Variants in TXNDC9 observed in about 807,000 individuals in gnomAD.
TXNDC9 encodes thioredoxin domain containing 9.
A neutral mutation model predicts 23.0 loss-of-function variants in TXNDC9; 7 were observed. That is an observed-to-expected ratio of 0.30 (90% CI 0.17 to 0.57). The LOEUF (loss-of-function observed/expected upper bound fraction) is 0.57. TXNDC9 is among the 20% of genes least tolerant of loss of function. The pLI, the probability that TXNDC9 is intolerant of heterozygous loss-of-function variation, is 0.90. For missense variants in TXNDC9, 198 were observed against 252.6 expected, an observed-to-expected ratio of 0.78 and a Z score of 1.47; for synonymous variants, 72 against 90.6, an observed-to-expected ratio of 0.79 and a Z score of 1.17.
At chr2:99,320,416 T>C (rs1218248020) in intron 4 of TXNDC9, among the ~76,000 whole-genome samples, 1 of 152,192 alleles carries the variant, frequency 6.6e-6, no homozygotes, top group Admixed American at 6.6e-5. Context: ...GATGCATCAC[T>C]TCCATAATAT....
intron 3 of TXNDC9, chr2:99,322,598 G>C (rs1177395169): frequency 5.9e-6 from 9 of 1,538,228 alleles, no homozygotes; most frequent in Non-Finnish European, 7.9e-6. Flanking sequence ...ATATTTGGAA[G>C]TCATGAAGAA....
At chr2:99,318,228 T>C (rs1207912569), downstream of TXNDC9, among the ~76,000 whole-genome samples, 1 of 152,018 alleles carries the variant, frequency 6.6e-6, no homozygotes, top group Non-Finnish European at 1.5e-5. Flanking sequence ...TTTTGCTTGT[T>C]GCCATCAGGG....
intron 2 of TXNDC9, among the ~76,000 whole-genome samples, chr2:99,329,216 T>G (rs548534259): frequency 1.5e-4 from 23 of 152,350 alleles, no homozygotes; most frequent in Non-Finnish European, 3.1e-4. Context: ...AGATTAAAGT[T>G]TTAATCTCTT....
At chr2:99,331,164 ATTAGTAC>A (rs1365291991) in intron 2 of TXNDC9, among the ~76,000 whole-genome samples, 1 of 152,232 alleles carries the variant, frequency 6.6e-6, no homozygotes, top group Non-Finnish European at 1.5e-5. Context: ...CACATTAGCA[ATTAGTAC>A]TTAAATGTGA....
At chr2:99,329,959 C>G (rs1275288632) in intron 2 of TXNDC9, among the ~76,000 whole-genome samples, 2 of 139,474 alleles carry the variant, frequency 1.4e-5, no homozygotes, top group Admixed American at 7.2e-5. Flanking sequence ...AGAGCAAGAC[C>G]CTGTCTCAAA....
the TXNDC9 span, among the ~76,000 whole-genome samples, chr2:99,310,765 C>T: frequency 4.6e-5 from 7 of 151,998 alleles, no homozygotes; most frequent in Non-Finnish European, 1.0e-4. Flanking sequence ...ACTCTTGTCT[C>T]TAAAAATAAA....
chr2:99,320,152 C>T (rs925030864), intron 4 of TXNDC9, among the ~76,000 whole-genome samples: 2 of 152,066 alleles, frequency 1.3e-5, no homozygotes, highest in South Asian at 2.1e-4. Flanking sequence ...GGACTACAGG[C>T]GTGTGCCACC....
chr2:99,314,389 TTTG>T (rs1263810795), downstream of TXNDC9, among the ~76,000 whole-genome samples: 2 of 152,198 alleles, frequency 1.3e-5, no homozygotes, highest in African/African-American at 2.4e-5. Flanking sequence ...GTAGACTTTT[TTTG>T]TTGTCATTAT....
the TXNDC9 span, among the ~76,000 whole-genome samples, chr2:99,310,982 T>C: frequency 6.6e-6 from 1 of 152,208 alleles, no homozygotes; most frequent in East Asian, 1.9e-4. Flanking sequence ...TTGATCAGAA[T>C]TTTTCCCTTT....
In TXNDC9 at chr2:99,336,287, G is replaced by A. The variant is rs2094240278; in HGVS notation, c.-81C>T. The A allele has an allele frequency of 3.0e-6, 3 of 985,486 alleles. No homozygotes were observed. Among genetic ancestry groups the A allele is most frequent in the South Asian group, 9.4e-5 (2 of 21,290 alleles). 61.0% of individuals were successfully genotyped at this position (985,486 alleles called of 1,614,324 possible). A position where few individuals can be genotyped will look rare whatever the true frequency, so the allele number is the denominator to read the frequency against. Reference sequence around the variant, plus strand: ...AAGTGAAAGAGCAGCAGTTTCAAAAGACACGTCCACTCCGGCTTTTGCCTT... The same window carrying A: ...AAGTGAAAGAGCAGCAGTTTCAAAAAACACGTCCACTCCGGCTTTTGCCTT... On this transcript the variant is annotated 5_prime_UTR_variant, in exon 1 of 5. Transcript: ENST00000264255.
chr2:99,326,163 G>A (rs1172825418), intron 3 of TXNDC9, among the ~76,000 whole-genome samples: 2 of 152,164 alleles, frequency 1.3e-5, no homozygotes, highest in Non-Finnish European at 2.9e-5. Flanking sequence ...AAGGGCAGAG[G>A]TTTCTCTGAT....
At chr2:99,321,253 T>C (rs1200954521) in intron 4 of TXNDC9, 1 of 152,100 alleles carries the variant, frequency 6.6e-6, no homozygotes, top group Non-Finnish European at 1.5e-5. Flanking sequence ...AAAGGCACCA[T>C]GACTCTGGAA....
At chr2:99,308,456 G>C in the TXNDC9 span, among the ~76,000 whole-genome samples, 2 of 152,102 alleles carry the variant, frequency 1.3e-5, no homozygotes, top group East Asian at 3.8e-4. Flanking sequence ...CATGATCTTA[G>C]TGGCAGAATA....
intron 4 of TXNDC9, among the ~76,000 whole-genome samples, chr2:99,320,363 T>C (rs551586299): frequency 4.6e-5 from 7 of 152,300 alleles, no homozygotes; most frequent in East Asian, 1.9e-4. Flanking sequence ...CAGTGCTCAG[T>C]TGTCACCGGA....
intron 2 of TXNDC9, among the ~76,000 whole-genome samples, chr2:99,330,289 TCAAAAAA>T (rs1301320567): frequency 2.0e-4 from 1 of 5,016 alleles, no homozygotes; most frequent in African/African-American, 5.2e-4. Context: ...GACTCTTATC[TCAAAAAA>T]AAAAAAAAAA....
chr2:99,312,608 TGGCTGTACA>T, the TXNDC9 span, among the ~76,000 whole-genome samples: 1 of 152,238 alleles, frequency 6.6e-6, no homozygotes, highest in East Asian at 1.9e-4. Context: ...GAAAATGTGC[TGGCTGTACA>T]GGTAAATGGG....
At chr2:99,326,745 A>G (rs1271662168) in intron 3 of TXNDC9, among the ~76,000 whole-genome samples, 3 of 152,096 alleles carry the variant, frequency 2.0e-5, no homozygotes, top group Non-Finnish European at 2.9e-5. Flanking sequence ...GGCAGTCCCA[A>G]CTCTGCTCTG....
At chr2:99,331,631 G>A (rs970377282) in intron 2 of TXNDC9, among the ~76,000 whole-genome samples, 1 of 152,006 alleles carries the variant, frequency 6.6e-6, no homozygotes, top group Non-Finnish European at 1.5e-5. Context: ...ATAAAAATTT[G>A]GACTCACTTA....
At chr2:99,309,532 G>T in the TXNDC9 span, among the ~76,000 whole-genome samples, 4 of 151,142 alleles carry the variant, frequency 2.6e-5, no homozygotes, top group Non-Finnish European at 4.4e-5. Flanking sequence ...GAAAAGAAAA[G>T]AAAAAGCAAA....
Sources: gnomAD v4.1 joint callset for allele counts (sites outside exome capture counted in the v4.1 genomes callset) on GRCh38, gnomAD v4.1.1 for gene constraint, MANE v1.5 for transcripts, NCBI Gene and HGNC (gene_info 2026-07-23, HGNC 2026-07-21) for gene names.